The following LAMA2 variants were observed in gnomAD, a reference collection of about 807,000 sequenced individuals.
LAMA2 encodes laminin subunit alpha 2, also known as laminin subunit alpha-2.
Under a neutral mutation model 364.8 loss-of-function variants are expected in LAMA2, and 269 were observed. That is an observed-to-expected ratio of 0.74 (90% CI 0.67 to 0.82). The LOEUF is 0.82. Among genes scored for constraint, LAMA2 ranks in the 40% least tolerant of loss-of-function variants. The pLI, the probability that LAMA2 is intolerant of heterozygous loss-of-function variation, is 0.00. For missense variants in LAMA2, 3,807 were observed against 3,873.2 expected (o/e 0.98, Z 0.45); for synonymous variants, 1,379 against 1,370.6 (o/e 1.01, Z -0.14).
At chr6:128,918,636 G>A (rs117765281) in intron 1 of LAMA2, among the ~76,000 whole-genome samples, 2,824 of 152,080 alleles carry the variant, frequency 0.019, 50 homozygotes, top group Non-Finnish European at 0.03. Flanking sequence ...TCCACTACAC[G>A]AAACATTCCC....
At chr6:129,371,802 T>C (rs1225316127) in intron 34 of LAMA2, among the ~76,000 whole-genome samples, 1 of 151,696 alleles carries the variant, frequency 6.6e-6, no homozygotes, top group African/African-American at 2.4e-5. Flanking sequence ...TAGAGACGGG[T>C]TTCACCATGT....
At chr6:129,435,336 A>T (rs1464733539) in intron 41 of LAMA2, among the ~76,000 whole-genome samples, 1 of 152,222 alleles carries the variant, frequency 6.6e-6, no homozygotes, top group Non-Finnish European at 1.5e-5. Flanking sequence ...CTTTATTCTC[A>T]AAGAATTTGT....
At chr6:129,292,844 A>C (rs1245281813) in intron 20 of LAMA2, 2 of 985,688 alleles carry the variant, frequency 2.0e-6, no homozygotes, top group Non-Finnish European at 2.4e-6. Flanking sequence ...TCTGTGTGCT[A>C]TGTGACTGCG....
intron 8 of LAMA2, among the ~76,000 whole-genome samples, chr6:129,162,064 G>A (rs1258132525): frequency 6.6e-6 from 1 of 152,122 alleles, no homozygotes; most frequent in African/African-American, 2.4e-5. Flanking sequence ...TAAGTTTTTT[G>A]AGAAATCTCC....
rs1259189872 is a variant in LAMA2 at position 129,049,907 on chromosome 6, A to G, written c.113-11A>G. On this transcript the variant is annotated splice_polypyrimidine_tract_variant and intron_variant, in intron 1 of 64. Coordinates refer to ENST00000421865, the MANE Select transcript of LAMA2 (RefSeq NM_000426.4). ...CTGGTCTACACACCTTCATTTGTCC[A>G]TCTTTTTCAGGTTTATTCCCTGCTG... 6.2e-7 allele frequency: 1 copy of G among 1,612,698 alleles called. No homozygotes were observed. Among genetic ancestry groups the G allele is most frequent in the African/African-American group, 1.3e-5 (1 of 74,984 alleles).
chr6:129,330,278 A>T (rs1775551804), intron 29 of LAMA2, among the ~76,000 whole-genome samples: 1 of 152,024 alleles, frequency 6.6e-6, no homozygotes, highest in Admixed American at 6.6e-5. Flanking sequence ...TCCATGGAAA[A>T]ATTGCCTTCC....
chr6:129,371,950 C>G (rs1014250545), intron 34 of LAMA2, among the ~76,000 whole-genome samples: 1 of 152,164 alleles, frequency 6.6e-6, no homozygotes, highest in African/African-American at 2.4e-5. Flanking sequence ...TATTATGTCT[C>G]AACCTATACT....
At chr6:129,117,656 T>G (rs976463919) in intron 4 of LAMA2, among the ~76,000 whole-genome samples, 2 of 152,196 alleles carry the variant, frequency 1.3e-5, no homozygotes, top group Non-Finnish European at 2.9e-5. Context: ...AACCAATATA[T>G]TTTTCTAGCA....
intron 1 of LAMA2, among the ~76,000 whole-genome samples, chr6:129,004,516 A>G (rs1784320536): frequency 6.6e-6 from 1 of 151,884 alleles, no homozygotes. Context: ...ACTTCTGGGA[A>G]ATTTAGCCAG....
chr6:129,474,508 C>T (rs1704784817), intron 52 of LAMA2, among the ~76,000 whole-genome samples: 1 of 152,116 alleles, frequency 6.6e-6, no homozygotes, highest in African/African-American at 2.4e-5. Context: ...CCTAGAAATT[C>T]ATTTGCCAGT....
intron 34 of LAMA2, among the ~76,000 whole-genome samples, chr6:129,373,700 G>C (rs1778215504): frequency 6.6e-6 from 1 of 152,056 alleles, no homozygotes; most frequent in Non-Finnish European, 1.5e-5. Context: ...TGAGAGTTTG[G>C]ACAGGTTCAT....
intron 28 of LAMA2, among the ~76,000 whole-genome samples, chr6:129,324,767 G>A (rs982137716): frequency 3.3e-5 from 5 of 152,158 alleles, no homozygotes; most frequent in African/African-American, 9.7e-5. Flanking sequence ...TTTAAACATA[G>A]CAAAGGTACA....
chr6:129,148,892 C>T (rs1778636176), intron 6 of LAMA2, 87 bp from the exon 7 acceptor site: 2 of 921,528 alleles, frequency 2.2e-6, no homozygotes, highest in African/African-American at 3.2e-5. Context: ...GATGTTTTCT[C>T]TTTTCTTCAT....
intron 1 of LAMA2, among the ~76,000 whole-genome samples, chr6:128,942,999 T>A (rs148616139): frequency 6.6e-6 from 1 of 152,240 alleles, no homozygotes; most frequent in Non-Finnish European, 1.5e-5. Context: ...TGTCATCAGT[T>A]CTATGTGCTC....
At chr6:129,254,847 T>A (rs1237884269) in intron 14 of LAMA2, among the ~76,000 whole-genome samples, 4 of 152,130 alleles carry the variant, frequency 2.6e-5, no homozygotes, top group Non-Finnish European at 5.9e-5. Flanking sequence ...AAGAAAGGCT[T>A]TTATGAAGCA....
At chr6:129,303,958 G>T (rs1008056377) in intron 22 of LAMA2, among the ~76,000 whole-genome samples, 1 of 152,112 alleles carries the variant, frequency 6.6e-6, no homozygotes, top group Non-Finnish European at 1.5e-5. Context: ...TTATAAAAGC[G>T]TTTTCACAAT....
intron 1 of LAMA2, among the ~76,000 whole-genome samples, chr6:128,935,386 G>A (rs1339632393): frequency 6.6e-6 from 1 of 152,046 alleles, no homozygotes; most frequent in Non-Finnish European, 1.5e-5. Context: ...CCCTGCAAAG[G>A]ACATAAACTC....
rs780581822 is a variant in LAMA2, at chr6:129,492,361, G to C, written c.8122G>C (p.Gly2708Arg). ...TGTGTCCTTCAAAAATGCTGACATT[G>C]GTCGCTGTGCCCATCAGAAACTCCG... Reference protein sequence around the residue: ...RPVSFKNADIGRCAHQKLRED... With the variant: ...RPVSFKNADIRRCAHQKLRED... The change falls in exon 58 of 65, where the codon GGT becomes CGT. Residue 2708 changes from glycine to arginine, a missense_variant. Transcript: ENST00000421865. 2.5e-6 allele frequency: 4 copies of C among 1,614,128 alleles called. No homozygotes were observed. The highest frequency in any genetic ancestry group is 3.4e-6 in the Non-Finnish European group (4 of 1,179,984).
rs185451769 is a variant in LAMA2, at chr6:129,421,496, T to C, written c.5866-6256T>C. On this transcript the variant is annotated intron_variant, in intron 40 of 64. Coordinates refer to ENST00000421865, the MANE Select transcript of LAMA2 (RefSeq NM_000426.4). Reference sequence around the variant, plus strand: ...ACACAGCTCAGGAACTCAGATGTGATGCTTATGAATATGTATAAAGTATAA... The same window carrying C: ...ACACAGCTCAGGAACTCAGATGTGACGCTTATGAATATGTATAAAGTATAA... Among the ~76,000 whole-genome samples the C allele has an allele frequency of 5.6e-4, 85 of 152,240 alleles. 1 individual carries two copies. Among genetic ancestry groups the C allele is most frequent in the African/African-American group, 2.0e-3 (84 of 41,536 alleles).
Sources: allele counts gnomAD v4.1 joint callset (sites outside exome capture counted in the v4.1 genomes callset), GRCh38; gene constraint gnomAD v4.1.1; transcripts MANE v1.5; gene names NCBI Gene and HGNC (gene_info 2026-07-23, HGNC 2026-07-21).